Variants in AGBL2 observed in about 807,000 individuals in gnomAD.
AGBL2 encodes AGBL carboxypeptidase 2, also known as cytosolic carboxypeptidase 2.
Under a neutral mutation model 103.0 loss-of-function variants are expected in AGBL2, and 87 were observed. That is an observed-to-expected ratio of 0.84 (90% CI 0.71 to 1.01). The LOEUF (loss-of-function observed/expected upper bound fraction) is 1.01, where lower values mean the gene tolerates loss of function less well. Ranked by LOEUF, AGBL2 falls within the 50% of genes least tolerant of loss-of-function variation. The pLI, the probability that AGBL2 is intolerant of heterozygous loss-of-function variation, is 0.00. For missense variants in AGBL2, 904 were observed against 1,023.5 expected (o/e 0.88, Z 1.59); for synonymous variants, 335 against 356.7 (o/e 0.94, Z 0.69).
At chr11:47,700,506 G>A (rs962780127) in intron 7 of AGBL2, among the ~76,000 whole-genome samples, 4 of 152,054 alleles carry the variant, frequency 2.6e-5, no homozygotes, top group Non-Finnish European at 4.4e-5. Flanking sequence ...TCTAACCTGG[G>A]AGGCGGAGGT....
At chr11:47,712,284 G>T (rs996394280) in intron 3 of AGBL2, among the ~76,000 whole-genome samples, 1 of 152,068 alleles carries the variant, frequency 6.6e-6, no homozygotes, top group East Asian at 1.9e-4. Context: ...TGTAGATAAG[G>T]GGGGACTAAT....
At chr11:47,680,685 TGGAGGCTAAGGTG>T (rs1465581288) in intron 12 of AGBL2, among the ~76,000 whole-genome samples, 1 of 151,208 alleles carries the variant, frequency 6.6e-6, no homozygotes, top group Non-Finnish European at 1.5e-5. Flanking sequence ...AGGCTGAGGT[TGGAGGCTAAGGTG>T]GGAGGATCGC....
intron 17 of AGBL2, among the ~76,000 whole-genome samples, chr11:47,665,319 T>C (rs1440044542): frequency 6.6e-6 from 1 of 151,938 alleles, no homozygotes; most frequent in Non-Finnish European, 1.5e-5. Context: ...AGTGCTGAGA[T>C]TACCGGTATG....
At chr11:47,707,024 T>TAAA (rs61459888) in intron 4 of AGBL2, among the ~76,000 whole-genome samples, 6 of 111,640 alleles carry the variant, frequency 5.4e-5, no homozygotes, top group Admixed American at 9.6e-5. Flanking sequence ...CTGTCTCTAC[T>TAAA]AAAAAAAAAA....
intron 4 of AGBL2, among the ~76,000 whole-genome samples, chr11:47,709,974 C>T (rs1420643316): frequency 3.3e-5 from 5 of 152,062 alleles, no homozygotes; most frequent in Admixed American, 1.3e-4. Context: ...ATTGCAACCT[C>T]CGCCTCCTGG....
chr11:47,674,145 A>G (rs2097366452), intron 14 of AGBL2, among the ~76,000 whole-genome samples: 1 of 152,102 alleles, frequency 6.6e-6, no homozygotes, highest in Non-Finnish European at 1.5e-5. Context: ...ATGATACAGA[A>G]TGACAGAGGC....
Position 47,714,315 on chromosome 11 carries a change from G to T in AGBL2, c.66C>A (p.Tyr22Ter), listed in dbSNP as rs931499459. 8.7e-6 allele frequency: 14 copies of T among 1,612,362 alleles called. No individual in the cohort carries two copies. Among genetic ancestry groups the T allele is most frequent in the Non-Finnish European group, 1.2e-5 (14 of 1,179,282 alleles). Reference protein sequence around the residue: ...TIPDPYEDFMYRHLQYYGYFK... With the variant: ...TIPDPYEDFM ...AGTAGCCATAATATTGGAGGTGACGGTACATAAAGTCTTCATAAGGATCAG... is the reference window on the plus strand; with the variant it reads ...AGTAGCCATAATATTGGAGGTGACGTTACATAAAGTCTTCATAAGGATCAG... Residue 22 changes from tyrosine (Y) to a stop codon, truncating the protein, a stop_gained, in exon 3 of 19, where the codon TAC becomes TAA. Transcript: ENST00000525123. LOFTEE classifies it high-confidence loss of function.
chr11:47,682,854 T>C (rs1215623168), intron 11 of AGBL2, among the ~76,000 whole-genome samples: 1 of 152,138 alleles, frequency 6.6e-6, no homozygotes, highest in Non-Finnish European at 1.5e-5. Context: ...TTGAGGAGCC[T>C]CAGGGCATTT....
At chr11:47,686,990 AG>A (rs1325236313) in intron 10 of AGBL2, among the ~76,000 whole-genome samples, 6 of 40,316 alleles carry the variant, frequency 1.5e-4, no homozygotes, top group Admixed American at 1.1e-3. Flanking sequence ...TGGTGGGGGG[AG>A]GGGGGAGGGA....
At chr11:47,669,680 TA>T (rs78511252) in intron 14 of AGBL2, among the ~76,000 whole-genome samples, 44,767 of 143,076 alleles carry the variant, frequency 0.31, 7,873 homozygotes, top group African/African-American at 0.5. Flanking sequence ...GCTGTCTCAA[TA>T]AAAAAAAAAA....
At position 47,690,386 on chromosome 11, in the gene AGBL2, T is replaced by A; in HGVS notation, c.1321A>T (p.Asn441Tyr). 1 of 1,614,106 alleles carries A rather than the reference T, an allele frequency of 6.2e-7. No individual in the cohort carries two copies. Among genetic ancestry groups the A allele is most frequent in the Non-Finnish European group, 8.5e-7 (1 of 1,180,012 alleles). ...GCCTCTTGAGGGGTCTGGGATGGGTTGGTGATGGTGAGCAAGTAAACGGTA... is the reference window on the plus strand; with the variant it reads ...GCCTCTTGAGGGGTCTGGGATGGGTAGGTGATGGTGAGCAAGTAAACGGTA... ...GNTVYLLTIT[N>Y]PSQTPQEAAA... Residue 441 changes from asparagine to tyrosine, a missense_variant, in exon 10 of 19, where the codon AAC becomes TAC. Physicochemically the swap from Asn to Tyr is moderately radical, Grantham distance 143 (BLOSUM62 -2). Coordinates refer to ENST00000525123, the MANE Select transcript of AGBL2 (RefSeq NM_024783.4).
At chr11:47,681,842 A>T in intron 12 of AGBL2, 127 bp downstream of exon 12, 1 of 1,180,314 alleles carries the variant, frequency 8.5e-7, no homozygotes, top group Admixed American at 2.6e-5. Flanking sequence ...CAAATTTAGC[A>T]TAAGTCTAGA....
rs776818105 is a variant in AGBL2 at position 47,660,327 on chromosome 11, G to A, written c.2555C>T (p.Thr852Ile). 3.6e-5 allele frequency: 58 copies of A among 1,612,188 alleles called. No individual in the cohort carries two copies. In the East Asian group the frequency reaches 1.2e-3, roughly 35 times the overall value. ...GGTTCTCTTTGGAGAGCATGATACT[G>A]TAAAGCCTGGCTTCTTATTCTGTGC... ...GRMQNKKPGF[T>I]VSCSPKRTIN... Residue 852 changes from threonine to isoleucine, a missense_variant, in exon 19 of 19, where the codon ACA becomes ATA. Physicochemically the swap from Thr to Ile is moderately conservative, Grantham distance 89. Coordinates refer to ENST00000525123, the MANE Select transcript of AGBL2 (RefSeq NM_024783.4).
Position 47,699,530 on chromosome 11 carries a change from A to G in AGBL2, c.610T>C (p.Tyr204His). The change falls in exon 8 of 19, where the codon TAT (tyrosine) becomes CAT (histidine). Residue 204 changes from tyrosine to histidine, a missense_variant. Coordinates refer to ENST00000525123, the MANE Select transcript of AGBL2 (RefSeq NM_024783.4). ...TCATTTCCTTTAGGCTGATAGAAAT[A>G]TTCTGGTTGAGGTGGAGCCCACTCT... ...HIEWAPPQPE[Y>H]FYQPKGNEKV... 1 of 1,606,084 alleles carries G rather than the reference A, an allele frequency of 6.2e-7. No individual in the cohort carries two copies. The highest frequency in any genetic ancestry group is 8.5e-7 in the Non-Finnish European group (1 of 1,176,514).
At chr11:47,663,264 GA>G (rs2097332637) in intron 17 of AGBL2, 152 bp from the exon 18 acceptor site, 1 of 594,796 alleles carries the variant, frequency 1.7e-6, no homozygotes, top group African/African-American at 1.9e-5. Context: ...TTCAAAGAAG[GA>G]AAAACAATTC....
chr11:47,662,999 G>A (rs755592990), intron 18 of AGBL2, 27 bp downstream of exon 18: 21 of 1,490,648 alleles, frequency 1.4e-5, no homozygotes, highest in Non-Finnish European at 1.8e-5. Context: ...TGGCATATAA[G>A]TATATACAGT....
At chr11:47,681,704 C>T (rs988163285) in intron 12 of AGBL2, among the ~76,000 whole-genome samples, 6 of 152,178 alleles carry the variant, frequency 3.9e-5, no homozygotes, top group South Asian at 2.1e-4. Flanking sequence ...GTGATCTGCC[C>T]GCCTTGGCCT....
intron 12 of AGBL2, among the ~76,000 whole-genome samples, chr11:47,680,816 A>AAAACAAAACC (rs1308614790): frequency 3.3e-5 from 5 of 152,098 alleles, no homozygotes; most frequent in African/African-American, 4.8e-5. Context: ...AAAACAAAAC[A>AAAACAAAACC]AAACAAAACA....
intron 4 of AGBL2, among the ~76,000 whole-genome samples, chr11:47,706,562 C>A (rs1395383824): frequency 6.6e-6 from 1 of 151,908 alleles, no homozygotes; most frequent in East Asian, 1.9e-4. Context: ...TGGAATATGA[C>A]AGGTGCCCTT....
Sources: gnomAD v4.1 joint callset for allele counts (sites outside exome capture counted in the v4.1 genomes callset) on GRCh38, gnomAD v4.1.1 for gene constraint, MANE v1.5 for transcripts, NCBI Gene and HGNC (gene_info 2026-07-23, HGNC 2026-07-21) for gene names.